The following GRM8 variants were observed in gnomAD, a reference collection of about 807,000 sequenced individuals.
GRM8 encodes the protein glutamate metabotropic receptor 8.
Under a neutral mutation model 87.2 loss-of-function variants are expected in GRM8, and 47 were observed. That is an observed-to-expected ratio of 0.54 (90% CI 0.43 to 0.69). The LOEUF (loss-of-function observed/expected upper bound fraction) is 0.69, where lower values mean the gene tolerates loss of function less well. Among genes scored for constraint, GRM8 ranks in the 30% least tolerant of loss-of-function variants. The probability of loss-of-function intolerance (pLI) is 0.00; values close to 1 mark genes in which losing one functional copy is unlikely to be tolerated. For missense variants in GRM8, 1,019 were observed against 1,139.2 expected, an observed-to-expected ratio of 0.89 and a Z score of 1.52; for synonymous variants, 396 against 404.5, an observed-to-expected ratio of 0.98 and a Z score of 0.25.
At chr7:126,442,404 T>C (rs754150085) in intron 10 of GRM8, among the ~76,000 whole-genome samples, 2 of 152,210 alleles carry the variant, frequency 1.3e-5, no homozygotes, top group African/African-American at 4.8e-5. Flanking sequence ...AAATAAAATC[T>C]GTCCTTCAGT....
At chr7:126,630,475 T>A (rs1163013527) in intron 7 of GRM8, among the ~76,000 whole-genome samples, 1 of 152,102 alleles carries the variant, frequency 6.6e-6, no homozygotes, top group African/African-American at 2.4e-5. Flanking sequence ...CTGGTACCAT[T>A]CCTACTGACA....
At chr7:126,469,690 T>C (rs1394580231) in intron 9 of GRM8, among the ~76,000 whole-genome samples, 1 of 152,176 alleles carries the variant, frequency 6.6e-6, no homozygotes, top group Non-Finnish European at 1.5e-5. Context: ...TGATTCTAAG[T>C]TTCCCGAGGC....
intron 3 of GRM8, among the ~76,000 whole-genome samples, chr7:127,063,846 G>T (rs1820852409): frequency 6.6e-6 from 1 of 152,182 alleles, no homozygotes; most frequent in African/African-American, 2.4e-5. Context: ...TATTTTCAAA[G>T]AACTTCTTAA....
At chr7:126,501,294 C>T (rs1469224473) in intron 9 of GRM8, among the ~76,000 whole-genome samples, 1 of 151,976 alleles carries the variant, frequency 6.6e-6, no homozygotes, top group Admixed American at 6.6e-5. Flanking sequence ...TGAACATTGG[C>T]TACCCAAAAA....
At chr7:126,857,491 T>C (rs1797789505) in intron 6 of GRM8, among the ~76,000 whole-genome samples, 1 of 152,090 alleles carries the variant, frequency 6.6e-6, no homozygotes, top group African/African-American at 2.4e-5. Context: ...ACAAATGTGT[T>C]CTAAAAAAAG....
intron 6 of GRM8, among the ~76,000 whole-genome samples, chr7:126,796,193 C>T (rs576990123): frequency 5.3e-5 from 8 of 152,062 alleles, no homozygotes; most frequent in African/African-American, 1.2e-4. Context: ...GAAAAGTACA[C>T]GCCCATTTAA....
chr7:127,053,856 G>A (rs191156467), intron 3 of GRM8, among the ~76,000 whole-genome samples: 2 of 150,820 alleles, frequency 1.3e-5, no homozygotes, highest in East Asian at 3.9e-4. Flanking sequence ...CCAATATCTG[G>A]CACATAACAG....
intron 7 of GRM8, among the ~76,000 whole-genome samples, chr7:126,700,367 T>C (rs1809798253): frequency 6.6e-6 from 1 of 152,146 alleles, no homozygotes; most frequent in Non-Finnish European, 1.5e-5. Context: ...AGCATGCCTC[T>C]ATATTCTAGT....
intron 3 of GRM8, among the ~76,000 whole-genome samples, chr7:127,029,279 G>A (rs576728642): frequency 6.6e-6 from 1 of 152,168 alleles, no homozygotes; most frequent in East Asian, 1.9e-4. Context: ...TTTAGAATAA[G>A]TGCAATGTGG....
chr7:126,854,802 A>G (rs1325811004), intron 6 of GRM8, among the ~76,000 whole-genome samples: 1 of 152,210 alleles, frequency 6.6e-6, no homozygotes, highest in African/African-American at 2.4e-5. Context: ...CCTTAAGGGT[A>G]ATAATAACTT....
In GRM8 at chr7:127,159,268, CTGTT is replaced by C. The variant is rs1163443213; in HGVS notation, c.511-52560_511-52557del. On this transcript the variant is annotated intron_variant, in intron 2 of 10. Coordinates refer to ENST00000339582, the MANE Select transcript of GRM8 (RefSeq NM_000845.3). ...TCATTTAAATTAAGCATTTTAGTCACTGTTTGATAATAAGATGCAAGGTAAAGTA... is the reference window on the plus strand; with the variant it reads ...TCATTTAAATTAAGCATTTTAGTCACTGATAATAAGATGCAAGGTAAAGTA... Among the ~76,000 whole-genome samples the C allele has an allele frequency of 4.6e-5, 7 of 152,274 alleles. No homozygotes were observed. In the South Asian group the frequency reaches 8.3e-4, roughly 18 times the overall value.
chr7:126,947,217 G>A (rs552083711), intron 3 of GRM8, among the ~76,000 whole-genome samples: 11 of 152,276 alleles, frequency 7.2e-5, no homozygotes, highest in African/African-American at 2.6e-4. Flanking sequence ...GCTGCATTTG[G>A]CAGGAAAGTC....
chr7:126,742,576 A>C (rs1345206211), intron 7 of GRM8, among the ~76,000 whole-genome samples: 1 of 151,808 alleles, frequency 6.6e-6, no homozygotes, highest in Non-Finnish European at 1.5e-5. Flanking sequence ...CCATTAATCA[A>C]CCACGCCAAA....
At chr7:126,674,533 G>A (rs1168494061) in intron 7 of GRM8, among the ~76,000 whole-genome samples, 1 of 152,070 alleles carries the variant, frequency 6.6e-6, no homozygotes, top group Non-Finnish European at 1.5e-5. Flanking sequence ...TATACTATAA[G>A]AAATATACTG....
chr7:127,187,320 T>C (rs900931631), intron 2 of GRM8, among the ~76,000 whole-genome samples: 2 of 152,140 alleles, frequency 1.3e-5, no homozygotes, highest in African/African-American at 4.8e-5. Context: ...TATGTATATG[T>C]ATATGCTTTT....
chr7:126,659,842 T>C (rs564598235), intron 7 of GRM8, among the ~76,000 whole-genome samples: 17 of 152,324 alleles, frequency 1.1e-4, no homozygotes, highest in African/African-American at 4.1e-4. Flanking sequence ...AGACTAATCA[T>C]TTTTCATGTT....
chr7:126,605,126 G>A (rs976850869), intron 8 of GRM8, among the ~76,000 whole-genome samples: 2 of 151,882 alleles, frequency 1.3e-5, no homozygotes, highest in East Asian at 1.9e-4. Context: ...CCCAGTACAC[G>A]TTCTCCCTGT....
chr7:127,080,294 T>C (rs1822721969), intron 3 of GRM8, among the ~76,000 whole-genome samples: 1 of 152,042 alleles, frequency 6.6e-6, no homozygotes, highest in Non-Finnish European at 1.5e-5. Flanking sequence ...CAGAGCAAAA[T>C]AGATTAAGAA....
At chr7:127,051,565 T>G (rs926801023) in intron 3 of GRM8, among the ~76,000 whole-genome samples, 1 of 151,616 alleles carries the variant, frequency 6.6e-6, no homozygotes, top group Admixed American at 6.6e-5. Context: ...CAAAAACAAC[T>G]ATATATACAT....
Sources: gnomAD v4.1 joint callset for allele counts (sites outside exome capture counted in the v4.1 genomes callset) on GRCh38, gnomAD v4.1.1 for gene constraint, MANE v1.5 for transcripts, NCBI Gene and HGNC (gene_info 2026-07-23, HGNC 2026-07-21) for gene names.